The following GNPTAB variants were observed in gnomAD, a reference collection of about 807,000 sequenced individuals.
GNPTAB encodes the protein N-acetylglucosamine-1-phosphotransferase subunits alpha/beta.
A neutral mutation model predicts 136.6 loss-of-function variants in GNPTAB; 92 were observed. The observed-to-expected ratio is 0.67, with a 90% CI of 0.57 to 0.80. The LOEUF (loss-of-function observed/expected upper bound fraction) is 0.80. Among genes scored for constraint, GNPTAB ranks in the 30% least tolerant of loss-of-function variants. The pLI is 0.00. For missense variants in GNPTAB, 1,343 were observed against 1,501.8 expected (o/e 0.89, Z 1.75); for synonymous variants, 512 against 535.1 (o/e 0.96, Z 0.60).
intron 7 of GNPTAB, among the ~76,000 whole-genome samples, chr12:101,774,196 G>C (rs1279518139): frequency 6.6e-6 from 1 of 152,188 alleles, no homozygotes; most frequent in Non-Finnish European, 1.5e-5. Context: ...TGAGCAACTG[G>C]TGGATCAATT....
At chr12:101,781,541 C>T (rs989874938) in intron 5 of GNPTAB, among the ~76,000 whole-genome samples, 8 of 151,930 alleles carry the variant, frequency 5.3e-5, no homozygotes, top group Admixed American at 2.0e-4. Context: ...AAAAACTAGC[C>T]GAGTGTGGTG....
Position 101,789,926 on chromosome 12 carries a change from A to G in GNPTAB, c.323+12T>C. 6.2e-7 allele frequency: 1 copy of G among 1,613,950 alleles called. No homozygotes were observed. The highest frequency in any genetic ancestry group is 8.5e-7 in the Non-Finnish European group (1 of 1,179,826). ...ATTACCCATCTGATGTGAAAAAAAAAATCAGTTTTACCTCATTGCTTTCTG... is the reference window on the plus strand; with the variant it reads ...ATTACCCATCTGATGTGAAAAAAAAGATCAGTTTTACCTCATTGCTTTCTG... On this transcript the variant is annotated intron_variant, in intron 3 of 20. Coordinates refer to ENST00000299314, the MANE Select transcript of GNPTAB (RefSeq NM_024312.5).
chr12:101,817,349 C>A (rs958596868), intron 1 of GNPTAB, among the ~76,000 whole-genome samples: 1 of 147,690 alleles, frequency 6.8e-6, no homozygotes, highest in Non-Finnish European at 1.5e-5. Flanking sequence ...CTCAATGTAG[C>A]CTCAATCTCC....
chr12:101,824,841 C>T (rs1269216076), intron 1 of GNPTAB, among the ~76,000 whole-genome samples: 28 of 152,094 alleles, frequency 1.8e-4, no homozygotes, highest in Admixed American at 1.8e-3. Flanking sequence ...CACTTGCAAC[C>T]TAGTGCTGTT....
rs1020172077 is a variant in GNPTAB, at chr12:101,761,630, G to A, written c.2849C>T (p.Ser950Leu). 3.7e-6 allele frequency: 6 copies of A among 1,614,000 alleles called. No homozygotes were observed. Among genetic ancestry groups the A allele is most frequent in the South Asian group, 1.1e-5 (1 of 91,084 alleles). ...KILNSKFGFT[S>L]RKVPAHMPHM... The stretch of plus-strand genomic sequence containing the variant: ...AGGCATGTGAGCAGGGACTTTCCGC[G>A]ATGTGAATCCAAACTTGCTATTTAG... The change falls in exon 14 of 21, where the codon TCG becomes TTG. Residue 950 changes from serine (S) to leucine (L), a missense_variant. Coordinates refer to ENST00000299314, the MANE Select transcript of GNPTAB (RefSeq NM_024312.5).
At chr12:101,821,056 T>TA (rs1566101479) in intron 1 of GNPTAB, among the ~76,000 whole-genome samples, 15 of 114,690 alleles carry the variant, frequency 1.3e-4, no homozygotes, top group East Asian at 2.7e-4. Flanking sequence ...AGACTCCGTC[T>TA]CAAAAAAAAA....
intron 15 of GNPTAB, 77 bp downstream of exon 15, chr12:101,761,050 G>A: frequency 1.9e-6 from 2 of 1,056,988 alleles, no homozygotes; most frequent in Non-Finnish European, 2.9e-6. Flanking sequence ...GGGATTACAG[G>A]TGTGAGCCAC....
chr12:101,800,604 CAAAAA>C (rs58129963), intron 1 of GNPTAB, among the ~76,000 whole-genome samples: 24 of 74,286 alleles, frequency 3.2e-4, no homozygotes, highest in Non-Finnish European at 1.5e-4. Context: ...ACTAAAAATA[CAAAAA>C]AAAAAAAAAA....
intron 2 of GNPTAB, among the ~76,000 whole-genome samples, chr12:101,791,569 A>G (rs1868993184): frequency 6.6e-6 from 1 of 152,046 alleles, no homozygotes; most frequent in Non-Finnish European, 1.5e-5. Context: ...TTGGCCACAT[A>G]CGGCCCACAG....
chr12:101,799,781 C>G (rs2137162529), intron 1 of GNPTAB, among the ~76,000 whole-genome samples: 1 of 151,884 alleles, frequency 6.6e-6, no homozygotes, highest in Non-Finnish European at 1.5e-5. Flanking sequence ...CACCCAGAAC[C>G]CCATGAGTTC....
Position 101,795,005 on chromosome 12 carries a change from G to A in GNPTAB, c.203+1672C>T, listed in dbSNP as rs57004319. Among the ~76,000 whole-genome samples the A allele has an allele frequency of 5.8e-3, 884 of 152,308 alleles. 10 individuals carry two copies. Among genetic ancestry groups the A allele is most frequent in the African/African-American group, 0.02 (829 of 41,570 alleles). The stretch of plus-strand genomic sequence containing the variant: ...CTATGCATCTGTGCACCATCTGCAC[G>A]TGGCACAGCATAAGGCACAAATCAA... On this transcript the variant is annotated intron_variant, in intron 2 of 20. Coordinates refer to ENST00000299314, the MANE Select transcript of GNPTAB (RefSeq NM_024312.5).
rs560168241 is a variant in GNPTAB, at chr12:101,811,122, C to A, written c.118-14360G>T. Among the ~76,000 whole-genome samples the A allele has an allele frequency of 2.0e-5, 3 of 152,310 alleles. No homozygotes were observed. The South Asian group carries it at 6.2e-4, about 32-fold the overall frequency. On this transcript the variant is annotated intron_variant, in intron 1 of 20. Coordinates refer to ENST00000299314, the MANE Select transcript of GNPTAB (RefSeq NM_024312.5). The stretch of plus-strand genomic sequence containing the variant: ...GTGGAGCAGAGCCAACCAAGTCCAA[C>A]CCCAATCAGTTAACCAATGACCTGC...
chr12:101,779,850 G>A (rs1056068805), intron 7 of GNPTAB: 8 of 412,062 alleles, frequency 1.9e-5, no homozygotes, highest in African/African-American at 1.2e-4. Flanking sequence ...ACCCGATCTT[G>A]TCTGATCTCG....
At chr12:101,751,045 T>C (rs1437412225) in intron 19 of GNPTAB, among the ~76,000 whole-genome samples, 1 of 152,132 alleles carries the variant, frequency 6.6e-6, no homozygotes, top group African/African-American at 2.4e-5. Flanking sequence ...CTAATACTAG[T>C]TATCATCTCA....
In GNPTAB at chr12:101,761,209, T is replaced by C. The variant is rs281865007; in HGVS notation, c.3053A>G (p.Asp1018Gly). Residue 1018 changes from aspartate to glycine, a missense_variant, in exon 15 of 21, where the codon GAT becomes GGT. Asp to Gly is a moderately conservative substitution (Grantham distance 94). Transcript: ENST00000299314. Reference protein sequence around the residue: ...LNISQVFDEVDTDQSGVLSDR... With the variant: ...LNISQVFDEVGTDQSGVLSDR... ...AGACAAGACACCAGATTGATCTGTA[T>C]CAACTTCATCAAAGACTTGAGATAT... 6 of 1,614,094 alleles carry C rather than the reference T, an allele frequency of 3.7e-6. No homozygotes were observed. Among genetic ancestry groups the C allele is most frequent in the Non-Finnish European group, 4.2e-6 (5 of 1,179,922 alleles).
At chr12:101,824,437 C>CTT (rs757768467) in intron 1 of GNPTAB, among the ~76,000 whole-genome samples, 98 of 47,008 alleles carry the variant, frequency 2.1e-3, no homozygotes, top group African/African-American at 7.8e-3. Context: ...TATATATTTT[C>CTT]TTTTTTTTTT....
rs752018352 is a variant in GNPTAB at position 101,765,263 on chromosome 12, G to A, written c.1654C>T (p.Gln552Ter). ...ELYKVILLPN[Q>*]THYIIPKGEC... ...CCTTTTGGAATAATATAGTGAGTCT[G>A]GTTTGGGAGAAGGATCACTTTATAC... The change falls in exon 13 of 21, where the codon CAG (glutamine) becomes TAG (stop). Residue 552 changes from glutamine to a stop codon, truncating the protein, a stop_gained. Coordinates refer to ENST00000299314, the MANE Select transcript of GNPTAB (RefSeq NM_024312.5). LOFTEE classifies it high-confidence loss of function. 6.2e-7 allele frequency: 1 copy of A among 1,613,222 alleles called. No individual in the cohort carries two copies. The highest frequency in any genetic ancestry group is 8.5e-7 in the Non-Finnish European group (1 of 1,179,370).
chr12:101,747,392 C>A (rs1335076399), intron 20 of GNPTAB, 151 bp from the exon 21 acceptor site: 6 of 647,148 alleles, frequency 9.3e-6, no homozygotes, highest in Non-Finnish European at 1.1e-5. Flanking sequence ...CATTCCTCTT[C>A]CAAAACAAAA....
intron 1 of GNPTAB, among the ~76,000 whole-genome samples, chr12:101,824,287 G>A (rs1870959033): frequency 6.6e-6 from 1 of 151,434 alleles, no homozygotes; most frequent in Non-Finnish European, 1.5e-5. Context: ...TCTCATATGA[G>A]GAGAGCTTGC....
Sources: gnomAD v4.1 joint callset for allele counts (sites outside exome capture counted in the v4.1 genomes callset) on GRCh38, gnomAD v4.1.1 for gene constraint, MANE v1.5 for transcripts, NCBI Gene and HGNC (gene_info 2026-07-23, HGNC 2026-07-21) for gene names.